Variants in USP49 observed in about 807,000 individuals in gnomAD.
The protein encoded by USP49 is ubiquitin carboxyl-terminal hydrolase 49.
A neutral mutation model predicts 58.6 loss-of-function variants in USP49; 24 were observed. The observed-to-expected ratio is 0.41, with a 90% CI of 0.30 to 0.58. The LOEUF (loss-of-function observed/expected upper bound fraction) is 0.58, where lower values mean the gene tolerates loss of function less well. Ranked by LOEUF, USP49 falls within the 20% of genes least tolerant of loss-of-function variation. USP49 has a pLI of 0.30. For synonymous variants in USP49, 408 were observed against 365.1 expected (o/e 1.12, Z -1.34); for missense variants, 703 against 866.1 (o/e 0.81, Z 2.36).
At chr6:41,858,460 T>TC (rs1031824912) in intron 3 of USP49, among the ~76,000 whole-genome samples, 5 of 152,222 alleles carry the variant, frequency 3.3e-5, no homozygotes, top group African/African-American at 1.2e-4. Flanking sequence ...TATTAATTCT[T>TC]CCTTATGAGC....
intron 3 of USP49, among the ~76,000 whole-genome samples, chr6:41,853,744 C>T (rs767277071): frequency 3.7e-4 from 57 of 152,022 alleles, no homozygotes; most frequent in Non-Finnish European, 3.1e-4. Context: ...CGCCTGTAAT[C>T]CCAGCACTCT....
chr6:41,827,053 T>G (rs1254560763), intron 3 of USP49, among the ~76,000 whole-genome samples: 1 of 152,188 alleles, frequency 6.6e-6, no homozygotes, highest in African/African-American at 2.4e-5. Context: ...AAATTGATTT[T>G]CCACATACCT....
intron 3 of USP49, among the ~76,000 whole-genome samples, chr6:41,858,852 A>G (rs1473823047): frequency 2.0e-5 from 3 of 152,168 alleles, no homozygotes; most frequent in African/African-American, 7.2e-5. Flanking sequence ...CTATCTAAAC[A>G]TAGTATGTAT....
chr6:41,794,074 C>G lies in USP49; in HGVS notation c.*2459G>C, dbSNP rs1484064613. Reference sequence around the variant, plus strand: ...CAAAGGGACATTTCCCTCACAATAGCCATTGGCTTATGCAGCAGGGAACTC... The same window carrying G: ...CAAAGGGACATTTCCCTCACAATAGGCATTGGCTTATGCAGCAGGGAACTC... On this transcript the variant is annotated 3_prime_UTR_variant, in exon 8 of 8. Coordinates refer to ENST00000682992, the MANE Select transcript of USP49 (RefSeq NM_001286554.2). The G allele has an allele frequency of 6.6e-6, 1 of 152,210 alleles. No individual in the cohort carries two copies. Among genetic ancestry groups the G allele is most frequent in the Admixed American group, 6.5e-5 (1 of 15,284 alleles). 9.4% of individuals were successfully genotyped at this position (152,210 alleles called of 1,614,324 possible).
At chr6:41,851,888 A>T (rs895565894) in intron 3 of USP49, among the ~76,000 whole-genome samples, 1 of 134,516 alleles carries the variant, frequency 7.4e-6, no homozygotes, top group African/African-American at 2.9e-5. Context: ...TGGGAAGCAG[A>T]GGCTGCAGTG....
At chr6:41,884,033 T>C (rs1774664369) in intron 2 of USP49, among the ~76,000 whole-genome samples, 1 of 148,276 alleles carries the variant, frequency 6.7e-6, no homozygotes. Flanking sequence ...TCTTTTTTTG[T>C]TTTTTTTTTA....
chr6:41,799,058 T>C (rs769401434), intron 6 of USP49, 129 bp from the exon 7 acceptor site: 13 of 1,140,808 alleles, frequency 1.1e-5, no homozygotes, highest in Non-Finnish European at 1.6e-5. Context: ...ATCAATAAAA[T>C]GGTGGTAATC....
intron 3 of USP49, among the ~76,000 whole-genome samples, chr6:41,825,772 A>G (rs1182132412): frequency 6.6e-6 from 1 of 152,168 alleles, no homozygotes; most frequent in Non-Finnish European, 1.5e-5. Flanking sequence ...TTTTCCCTCA[A>G]GACAGCCTAC....
chr6:41,817,786 T>G (rs1773383053), intron 3 of USP49, among the ~76,000 whole-genome samples: 1 of 152,092 alleles, frequency 6.6e-6, no homozygotes, highest in Non-Finnish European at 1.5e-5. Flanking sequence ...CAACTAATTT[T>G]TGTATTTTTC....
At chr6:41,886,472 A>T (rs1257117387) in intron 2 of USP49, 1 of 152,194 alleles carries the variant, frequency 6.6e-6, no homozygotes, top group East Asian at 1.9e-4. Flanking sequence ...GCTACCTCCA[A>T]TTTTTGTCAA....
At chr6:41,843,418 C>G (rs569779415) in intron 3 of USP49, among the ~76,000 whole-genome samples, 3 of 152,028 alleles carry the variant, frequency 2.0e-5, no homozygotes, top group Non-Finnish European at 4.4e-5. Context: ...TTGCGTATGT[C>G]GGAAAAAAAG....
chr6:41,858,028 G>A (rs1321655945), intron 3 of USP49, among the ~76,000 whole-genome samples: 3 of 151,950 alleles, frequency 2.0e-5, no homozygotes, highest in African/African-American at 7.3e-5. Flanking sequence ...CAAATGGGGT[G>A]TGTGTGTGTG....
intron 5 of USP49, among the ~76,000 whole-genome samples, chr6:41,800,355 C>T (rs1734787875): frequency 6.6e-6 from 1 of 152,214 alleles, no homozygotes; most frequent in Non-Finnish European, 1.5e-5. Flanking sequence ...CATGCTGGCC[C>T]TGAATGTCCT....
intron 3 of USP49, among the ~76,000 whole-genome samples, chr6:41,851,952 C>CAAAAAAAAAAAAAAAAAAA (rs67716441): frequency 1.8e-5 from 1 of 54,896 alleles, no homozygotes; most frequent in African/African-American, 7.0e-5. Context: ...AGACTCGTCT[C>CAAAAAAAAAAAAAAAAAAA]AAAAAAAAAA....
chr6:41,881,515 T>C (rs1212214920), intron 2 of USP49, among the ~76,000 whole-genome samples: 1 of 151,794 alleles, frequency 6.6e-6, no homozygotes, highest in East Asian at 1.9e-4. Context: ...TCAAGATTTC[T>C]AAGGGGAAAA....
chr6:41,867,587 C>CAAAAAAAAAAA (rs766568260), intron 3 of USP49, among the ~76,000 whole-genome samples: 2 of 71,160 alleles, frequency 2.8e-5, no homozygotes, highest in East Asian at 3.4e-4. Flanking sequence ...ACTAAAAATA[C>CAAAAAAAAAAA]AAAAAAAAAA....
intron 3 of USP49, among the ~76,000 whole-genome samples, chr6:41,823,083 T>C (rs73424077): frequency 6.6e-6 from 1 of 152,052 alleles, no homozygotes; most frequent in African/African-American, 2.4e-5. Flanking sequence ...ACTCAAAATA[T>C]AGTATGTGAA....
chr6:41,894,534 T>A (rs1028183980), intron 1 of USP49: 1 of 152,470 alleles, frequency 6.6e-6, no homozygotes, highest in South Asian at 2.1e-4. Flanking sequence ...TTGGTCCCAG[T>A]CCTTCAGCTC....
In USP49 at chr6:41,795,656, T is replaced by G. The variant is rs1376654789; in HGVS notation, c.*877A>C. On this transcript the variant is annotated 3_prime_UTR_variant, in exon 8 of 8. Transcript: ENST00000682992. ...TCAATAAGCCCTGGAGCATCAGCTA[T>G]CTCTGCCCACCCTCAATTGAGTTCT... The G allele has an allele frequency of 6.6e-6, 1 of 152,224 alleles. No individual in the cohort carries two copies. Among genetic ancestry groups the G allele is most frequent in the Non-Finnish European group, 1.5e-5 (1 of 68,044 alleles). The allele number at this position is 152,224 out of a possible 1,614,324, so 9.4% of individuals were successfully genotyped here. A position where few individuals can be genotyped will look rare whatever the true frequency, so the allele number is the denominator to read the frequency against.
Sources: gnomAD v4.1 joint callset for allele counts (sites outside exome capture counted in the v4.1 genomes callset) on GRCh38, gnomAD v4.1.1 for gene constraint, MANE v1.5 for transcripts, NCBI Gene and HGNC (gene_info 2026-07-23, HGNC 2026-07-21) for gene names.